Variants in EFCAB13 observed in about 807,000 individuals in gnomAD.
EFCAB13 encodes EF-hand calcium-binding domain-containing protein 13.
EFCAB13 carries 91 observed loss-of-function variants against 110.2 expected under a neutral mutation model. The ratio of observed to expected loss-of-function variants is 0.83; its 90% CI spans 0.70 to 0.98. EFCAB13 has a LOEUF of 0.98. Ranked by LOEUF, EFCAB13 falls within the 50% of genes least tolerant of loss-of-function variation. EFCAB13 has a pLI of 0.00. For missense variants in EFCAB13, 968 were observed against 1,119.4 expected (o/e 0.86, Z 1.93); for synonymous variants, 323 against 369.9 (o/e 0.87, Z 1.45).
chr17:47,415,393 T>TA (rs540830703), intron 23 of EFCAB13, among the ~76,000 whole-genome samples: 17 of 151,696 alleles, frequency 1.1e-4, no homozygotes, highest in Non-Finnish European at 2.1e-4. Flanking sequence ...ATAATAATAA[T>TA]AAAAAAAAGA....
intron 14 of EFCAB13, among the ~76,000 whole-genome samples, chr17:47,387,947 T>TG (rs1386570920): frequency 6.6e-6 from 1 of 152,190 alleles, no homozygotes; most frequent in East Asian, 1.9e-4. Flanking sequence ...ATGTCTCAAA[T>TG]GGGGAGGTCT....
chr17:47,364,167 C>T (rs1267836151), intron 10 of EFCAB13, among the ~76,000 whole-genome samples: 1 of 152,160 alleles, frequency 6.6e-6, no homozygotes, highest in African/African-American at 2.4e-5. Context: ...CTAGAACAGA[C>T]AGAAGGGTGA....
At chr17:47,335,027 A>AT (rs1354580172) in intron 4 of EFCAB13, among the ~76,000 whole-genome samples, 169 bp from the exon 5 acceptor site, 1 of 152,252 alleles carries the variant, frequency 6.6e-6, no homozygotes, top group Non-Finnish European at 1.5e-5. Context: ...TATGTACTGA[A>AT]TCTGGAAAAA....
At position 47,429,888 on chromosome 17, in the gene EFCAB13, A is replaced by G. The variant is rs767716967; in HGVS notation, c.2565A>G (p.Thr855=). Residue 855 remains threonine (T), a synonymous_variant, in exon 24 of 25, where the codon ACA becomes ACG. Transcript: ENST00000331493. The part of the protein sequence containing the change: ...NDLVDVSDLK[T]LLMDKDLHTA... ...TAGTTGATGTCTCTGACCTCAAGAC[A>G]TTATTGATGGACAAGGACCTTCATA... The G allele has an allele frequency of 1.3e-5, 21 of 1,613,120 alleles. No homozygotes were observed. Among genetic ancestry groups the G allele is most frequent in the East Asian group, 4.5e-5 (2 of 44,872 alleles).
chr17:47,424,216 AG>A (rs950675201), intron 23 of EFCAB13, among the ~76,000 whole-genome samples: 2 of 152,148 alleles, frequency 1.3e-5, no homozygotes, highest in African/African-American at 4.8e-5. Context: ...CAGGCTGTGC[AG>A]GGGGGCTGCG....
chr17:47,364,756 C>T (rs2065536608), intron 10 of EFCAB13, among the ~76,000 whole-genome samples: 1 of 152,178 alleles, frequency 6.6e-6, no homozygotes, highest in Non-Finnish European at 1.5e-5. Flanking sequence ...ATGTTATTCT[C>T]CTCATATAAA....
intron 9 of EFCAB13, among the ~76,000 whole-genome samples, chr17:47,356,593 C>T (rs566084230): frequency 3.5e-4 from 54 of 152,300 alleles, no homozygotes; most frequent in African/African-American, 1.2e-3. Context: ...GTCTCTCAGC[C>T]GTGAATACCA....
rs773891023 is a variant in EFCAB13 at position 47,414,809 on chromosome 17, A to G, written c.2423-39A>G. 1.3e-5 allele frequency: 17 copies of G among 1,335,168 alleles called. No individual in the cohort carries two copies. The African/African-American group carries it at 1.6e-4, about 13-fold the overall frequency. 82.7% of individuals were successfully genotyped at this position (1,335,168 alleles called of 1,614,324 possible). ...TTATTTCATGTGCCAATTCAGTATC[A>G]GGTTTTTAATGTCAGCATTTTTTAC... On this transcript the variant is annotated intron_variant, in intron 22 of 24. Coordinates refer to ENST00000331493, the MANE Select transcript of EFCAB13 (RefSeq NM_152347.5).
At chr17:47,331,384 C>G (rs918045590) in intron 4 of EFCAB13, among the ~76,000 whole-genome samples, 1 of 151,888 alleles carries the variant, frequency 6.6e-6, no homozygotes, top group African/African-American at 2.4e-5. Context: ...AGGTAGTCTT[C>G]TAGAATTTTT....
chr17:47,343,510 G>A (rs991913802), intron 6 of EFCAB13, among the ~76,000 whole-genome samples: 1 of 151,994 alleles, frequency 6.6e-6, no homozygotes, highest in African/African-American at 2.4e-5. Context: ...TTTTGGTTCC[G>A]TATGGCATCT....
At chr17:47,344,521 A>C (rs1041110629) in intron 7 of EFCAB13, among the ~76,000 whole-genome samples, 3 of 152,156 alleles carry the variant, frequency 2.0e-5, no homozygotes, top group Non-Finnish European at 4.4e-5. Context: ...TCTGGGCATC[A>C]CTTTCCACAT....
intron 24 of EFCAB13, among the ~76,000 whole-genome samples, chr17:47,438,151 C>G (rs1905245877): frequency 6.6e-6 from 1 of 152,222 alleles, no homozygotes; most frequent in East Asian, 1.9e-4. Context: ...GAGAAATCTG[C>G]TGTTAATCAG....
chr17:47,368,103 A>G (rs1210749933), intron 10 of EFCAB13, among the ~76,000 whole-genome samples: 4 of 152,250 alleles, frequency 2.6e-5, no homozygotes, highest in African/African-American at 9.6e-5. Context: ...AGCAGAATCT[A>G]CAAAGGAGTT....
intron 2 of EFCAB13, among the ~76,000 whole-genome samples, chr17:47,325,961 T>G (rs889354672): frequency 2.4e-5 from 3 of 122,830 alleles, no homozygotes; most frequent in Admixed American, 8.3e-5. Context: ...TATATATATA[T>G]AGCATATATA....
intron 8 of EFCAB13, among the ~76,000 whole-genome samples, chr17:47,347,466 A>G (rs2065423863): frequency 6.6e-6 from 1 of 152,192 alleles, no homozygotes; most frequent in South Asian, 2.1e-4. Context: ...GGATATTGAC[A>G]TGCAAGCAAT....
intron 20 of EFCAB13, among the ~76,000 whole-genome samples, chr17:47,407,215 G>A (rs533893031): frequency 2.6e-5 from 4 of 152,176 alleles, no homozygotes; most frequent in Non-Finnish European, 4.4e-5. Context: ...GCATACTTTT[G>A]TCTGTAGCAG....
rs571297208 is a variant in EFCAB13, at chr17:47,422,461, A to G, written c.2495-7357A>G. On this transcript the variant is annotated intron_variant, in intron 23 of 24. Coordinates refer to ENST00000331493, the MANE Select transcript of EFCAB13 (RefSeq NM_152347.5). ...ATAGAATTTCCATTACTCATTGCCA[A>G]TATAATTAATAGGTAGAAAAAATAT... Among the ~76,000 whole-genome samples the G allele has an allele frequency of 7.5e-4, 114 of 152,312 alleles. 1 individual carries two copies. The highest frequency in any genetic ancestry group is 2.7e-3 in the African/African-American group (111 of 41,570).
intron 5 of EFCAB13, among the ~76,000 whole-genome samples, chr17:47,337,274 G>A (rs2065356610): frequency 6.6e-6 from 1 of 152,154 alleles, no homozygotes; most frequent in Admixed American, 6.5e-5. Context: ...TCAAAAGAAT[G>A]GGGTACAGTG....
At chr17:47,366,320 T>C (rs1337461394) in intron 10 of EFCAB13, among the ~76,000 whole-genome samples, 1 of 151,948 alleles carries the variant, frequency 6.6e-6, no homozygotes, top group African/African-American at 2.4e-5. Context: ...AGCAGTTTTT[T>C]TTTTTTTTCT....
Sources: gnomAD v4.1 joint callset for allele counts (sites outside exome capture counted in the v4.1 genomes callset) on GRCh38, gnomAD v4.1.1 for gene constraint, MANE v1.5 for transcripts, NCBI Gene and HGNC (gene_info 2026-07-23, HGNC 2026-07-21) for gene names.